Variants in LPP observed in about 807,000 individuals in gnomAD.
The protein encoded by LPP is LIM domain containing preferred translocation partner in lipoma.
A neutral mutation model predicts 60.4 loss-of-function variants in LPP; 38 were observed. The observed-to-expected ratio is 0.63, with a 90% CI of 0.49 to 0.83. The LOEUF (loss-of-function observed/expected upper bound fraction) is 0.83, where lower values mean the gene tolerates loss of function less well. Ranked by LOEUF, LPP falls within the 40% of genes least tolerant of loss-of-function variation. The pLI, the probability that LPP is intolerant of heterozygous loss-of-function variation, is 0.00. For missense variants in LPP, 902 were observed against 783.6 expected, an observed-to-expected ratio of 1.15 and a Z score of -1.80; for synonymous variants, 328 against 290.8, an observed-to-expected ratio of 1.13 and a Z score of -1.30.
At chr3:188,397,530 G>C (rs1229923239) in intron 3 of LPP, among the ~76,000 whole-genome samples, 1 of 152,058 alleles carries the variant, frequency 6.6e-6, no homozygotes, top group Non-Finnish European at 1.5e-5. Context: ...TCCCTGTCAG[G>C]GTTGATTGTT....
At chr3:188,298,745 G>A (rs190407812) in intron 2 of LPP, among the ~76,000 whole-genome samples, 60 of 152,308 alleles carry the variant, frequency 3.9e-4, no homozygotes, top group Non-Finnish European at 5.3e-4. Context: ...AGCTGGAGAG[G>A]AAGCTGAACA....
At chr3:188,553,220 G>A (rs1371291050) in intron 6 of LPP, among the ~76,000 whole-genome samples, 3 of 152,122 alleles carry the variant, frequency 2.0e-5, no homozygotes, top group African/African-American at 7.2e-5. Flanking sequence ...ACACATATTA[G>A]TGCCATGTAC....
At chr3:188,367,232 G>GA (rs141268594) in intron 3 of LPP, among the ~76,000 whole-genome samples, 14 of 147,358 alleles carry the variant, frequency 9.5e-5, no homozygotes, top group African/African-American at 9.9e-5. Context: ...TGAATAGTTA[G>GA]AAAAAAAAAA....
rs201329196 is a variant in LPP, at chr3:188,584,873, TA to T, written c.430-24285del. On this transcript the variant is annotated intron_variant, in intron 6 of 11. Transcript: ENST00000617246. ...GATGGCCTGAGTTCTCTCTGTGATA[TA>T]AATTTATCCCTCCCTGAAAAATTCC... 1.0e-2 allele frequency among the ~76,000 whole-genome samples: 1,516 copies of T among 152,266 alleles called. 14 individuals carry two copies. The highest frequency in any genetic ancestry group is 0.017 in the Non-Finnish European group (1,143 of 68,016).
chr3:188,238,418 A>G (rs558182266), intron 2 of LPP, among the ~76,000 whole-genome samples: 5 of 152,094 alleles, frequency 3.3e-5, no homozygotes, highest in Admixed American at 6.5e-5. Flanking sequence ...TTGGCACAAG[A>G]GGCCTAGCTT....
At chr3:188,509,708 T>C (rs1296898047) in intron 5 of LPP, among the ~76,000 whole-genome samples, 1 of 139,248 alleles carries the variant, frequency 7.2e-6, no homozygotes, top group Non-Finnish European at 1.6e-5. Flanking sequence ...CTTTTCTTTT[T>C]TTTTTTTTGA....
intron 3 of LPP, among the ~76,000 whole-genome samples, chr3:188,387,922 G>A (rs1346934537): frequency 3.2e-5 from 1 of 31,212 alleles, no homozygotes; most frequent in African/African-American, 4.4e-5. Context: ...TTGTGAAAGG[G>A]ATTTTTTTTT....
chr3:188,563,460 ATGTG>A lies in LPP; in HGVS notation c.429+38696_429+38699del, dbSNP rs59514913. ...CATTTATGTATACATTTACATATAT[ATGTG>A]TGTGTGTGTGTGTGTGTGTGTGGTA... On this transcript the variant is annotated intron_variant, in intron 6 of 11. Transcript: ENST00000617246. Among the ~76,000 whole-genome samples the A allele has an allele frequency of 2.4e-3, 345 of 142,032 alleles. 2 individuals carry two copies. Among genetic ancestry groups the A allele is most frequent in the Non-Finnish European group, 4.1e-3 (271 of 65,928 alleles). The allele number at this position is 142,032 out of a possible 152,430, so 93.2% of individuals were successfully genotyped here.
At chr3:188,724,999 C>T (rs867879351) in intron 8 of LPP, among the ~76,000 whole-genome samples, 8 of 152,280 alleles carry the variant, frequency 5.3e-5, no homozygotes, top group Middle Eastern at 3.4e-3. Flanking sequence ...CTATTTTAGG[C>T]CGTCAGCGGC....
At chr3:188,738,578 G>A (rs1311946968) in intron 8 of LPP, among the ~76,000 whole-genome samples, 1 of 152,110 alleles carries the variant, frequency 6.6e-6, no homozygotes, top group Non-Finnish European at 1.5e-5. Flanking sequence ...TATTATATAT[G>A]TGCAATGGAT....
chr3:188,202,743 A>AG (rs1731429825), intron 1 of LPP, among the ~76,000 whole-genome samples: 1 of 152,016 alleles, frequency 6.6e-6, no homozygotes, highest in Non-Finnish European at 1.5e-5. Context: ...AGGTTGGGAG[A>AG]GGAAGCTCAG....
intron 5 of LPP, among the ~76,000 whole-genome samples, chr3:188,511,218 T>TCCTTCCTCCCTTCCTCCCTC: frequency 1.0e-5 from 1 of 99,844 alleles, no homozygotes; most frequent in South Asian, 4.7e-4. Context: ...CTTCCTCCCT[T>TCCTTCCTCCCTTCCTCCCTC]CCTTCCTCCC....
intron 1 of LPP, among the ~76,000 whole-genome samples, chr3:188,204,811 C>T (rs1024953509): frequency 1.3e-5 from 2 of 152,152 alleles, no homozygotes. Context: ...TTATCCTCCA[C>T]AGTCTTGGGT....
chr3:188,233,781 A>G (rs1021130743), intron 2 of LPP, among the ~76,000 whole-genome samples: 25 of 152,050 alleles, frequency 1.6e-4, no homozygotes, highest in African/African-American at 6.0e-4. Flanking sequence ...CTTTAAGTCA[A>G]TTTTTAAAAA....
intron 7 of LPP, among the ~76,000 whole-genome samples, chr3:188,623,099 T>TAGATAC (rs11281113): frequency 0.97 from 145,046 of 149,696 alleles, 70,421 homozygotes; most frequent in South Asian, 1. Context: ...CCCCCATGAT[T>TAGATAC]GTATGGATGA....
Position 188,548,332 on chromosome 3 carries a change from G to A in LPP, c.429+23545G>A, listed in dbSNP as rs114944263. Among the ~76,000 whole-genome samples, 676 of 152,194 alleles carry A rather than the reference G, an allele frequency of 4.4e-3. 6 individuals are homozygous for A. Among genetic ancestry groups the A allele is most frequent in the African/African-American group, 0.012 (488 of 41,518 alleles). ...CTCACCGTCTGATTAAAAACATTCCGTGGTGATTCCTTTTCTTGGTAAGAC... is the reference window on the plus strand; with the variant it reads ...CTCACCGTCTGATTAAAAACATTCCATGGTGATTCCTTTTCTTGGTAAGAC... On this transcript the variant is annotated intron_variant, in intron 6 of 11. Coordinates refer to ENST00000617246, the MANE Select transcript of LPP (RefSeq NM_001375462.1).
chr3:188,308,545 C>T (rs1752251701), intron 2 of LPP, among the ~76,000 whole-genome samples: 2 of 152,172 alleles, frequency 1.3e-5, no homozygotes, highest in South Asian at 4.1e-4. Flanking sequence ...ACTGCTATGG[C>T]CCAGGCACCG....
chr3:188,604,313 TG>T (rs1317719401), intron 6 of LPP, among the ~76,000 whole-genome samples: 1 of 152,188 alleles, frequency 6.6e-6, no homozygotes, highest in African/African-American at 2.4e-5. Flanking sequence ...GAATGTACTT[TG>T]TTTTAGTACA....
intron 5 of LPP, among the ~76,000 whole-genome samples, chr3:188,488,884 G>A (rs1404823052): frequency 6.6e-6 from 1 of 152,032 alleles, no homozygotes; most frequent in Non-Finnish European, 1.5e-5. Flanking sequence ...TGATCCACCC[G>A]CCTTGGCCTC....
Sources: gnomAD v4.1 joint callset for allele counts (sites outside exome capture counted in the v4.1 genomes callset) on GRCh38, gnomAD v4.1.1 for gene constraint, MANE v1.5 for transcripts, NCBI Gene and HGNC (gene_info 2026-07-23, HGNC 2026-07-21) for gene names.